The following SNX13 variants were observed in gnomAD, a reference collection of about 807,000 sequenced individuals.
SNX13 encodes the protein sorting nexin-13.
A neutral mutation model predicts 133.6 loss-of-function variants in SNX13; 45 were observed. That is an observed-to-expected ratio of 0.34 (90% CI 0.27 to 0.43). The LOEUF (loss-of-function observed/expected upper bound fraction) is 0.43, where lower values mean the gene tolerates loss of function less well. SNX13 is among the 20% of genes least tolerant of loss of function. The probability of loss-of-function intolerance (pLI) is 1.00; values close to 1 mark genes in which losing one functional copy is unlikely to be tolerated. For missense variants in SNX13, 1,032 were observed against 1,145.1 expected (o/e 0.90, Z 1.43); for synonymous variants, 414 against 373.9 (o/e 1.11, Z -1.24).
intron 9 of SNX13, among the ~76,000 whole-genome samples, chr7:17,857,900 CATG>C (rs1792123716): frequency 1.3e-5 from 2 of 152,148 alleles, no homozygotes; most frequent in South Asian, 2.1e-4. Flanking sequence ...AAGCATAATA[CATG>C]ATGTTAACAG....
chr7:17,894,059 T>C (rs1796939045), intron 2 of SNX13, among the ~76,000 whole-genome samples: 1 of 149,704 alleles, frequency 6.7e-6, no homozygotes. Context: ...TCCCAGCACC[T>C]TGGGAGGCCG....
chr7:17,882,937 C>A (rs1382978947), intron 5 of SNX13: 6 of 736,194 alleles, frequency 8.2e-6, no homozygotes, highest in Non-Finnish European at 9.6e-6. Flanking sequence ...GGCGACAGGG[C>A]GAGACTCTGT....
chr7:17,857,387 A>G (rs892956044), intron 9 of SNX13, among the ~76,000 whole-genome samples: 1 of 152,192 alleles, frequency 6.6e-6, no homozygotes. Flanking sequence ...CTCAATCTAC[A>G]AGCCCAGCAT....
At chr7:17,884,087 G>A (rs935121386) in intron 5 of SNX13, among the ~76,000 whole-genome samples, 1 of 152,022 alleles carries the variant, frequency 6.6e-6, no homozygotes, top group Non-Finnish European at 1.5e-5. Flanking sequence ...GCAACAGACA[G>A]TTTTATAGCC....
intron 24 of SNX13, among the ~76,000 whole-genome samples, chr7:17,798,044 T>C (rs1389576639): frequency 6.6e-6 from 1 of 151,912 alleles, no homozygotes; most frequent in Non-Finnish European, 1.5e-5. Flanking sequence ...TCTTGCTTCC[T>C]TTCCTTCCCT....
intron 1 of SNX13, among the ~76,000 whole-genome samples, chr7:17,933,021 AGTAGG>A (rs1801578175): frequency 6.6e-6 from 1 of 152,238 alleles, no homozygotes; most frequent in African/African-American, 2.4e-5. Context: ...CCTAGTACAA[AGTAGG>A]CATACTCTTG....
chr7:17,844,717 T>C (rs1450450346), intron 12 of SNX13, among the ~76,000 whole-genome samples: 2 of 151,602 alleles, frequency 1.3e-5, no homozygotes, highest in East Asian at 1.9e-4. Context: ...GTGGCATTTA[T>C]TCCTGGAATC....
intron 9 of SNX13, among the ~76,000 whole-genome samples, chr7:17,851,372 T>C (rs1352047536): frequency 6.6e-6 from 1 of 152,076 alleles, no homozygotes. Flanking sequence ...AGAGTAACAC[T>C]CTCTAACCTA....
At chr7:17,867,651 G>A (rs1449383952) in intron 9 of SNX13, among the ~76,000 whole-genome samples, 2 of 151,720 alleles carry the variant, frequency 1.3e-5, no homozygotes, top group Non-Finnish European at 2.9e-5. Context: ...TAAAACAATG[G>A]CAAGTCTGAC....
At chr7:17,920,327 T>C (rs1799994478) in intron 1 of SNX13, among the ~76,000 whole-genome samples, 1 of 152,210 alleles carries the variant, frequency 6.6e-6, no homozygotes, top group Non-Finnish European at 1.5e-5. Context: ...TTTACCATTT[T>C]ACTACTTACC....
chr7:17,923,716 G>A (rs1800403115), intron 1 of SNX13, among the ~76,000 whole-genome samples: 1 of 152,104 alleles, frequency 6.6e-6, no homozygotes, highest in Non-Finnish European at 1.5e-5. Context: ...CTACTTTTGG[G>A]AGTCCTCTTC....
chr7:17,839,184 T>C (rs768509661), intron 13 of SNX13, among the ~76,000 whole-genome samples: 3 of 149,298 alleles, frequency 2.0e-5, no homozygotes, highest in Non-Finnish European at 3.0e-5. Flanking sequence ...ACGCTATAGA[T>C]TATATATATT....
intron 9 of SNX13, among the ~76,000 whole-genome samples, chr7:17,862,023 C>T (rs566034031): frequency 1.5e-4 from 23 of 152,322 alleles, no homozygotes; most frequent in African/African-American, 4.8e-4. Context: ...CAGCTATTTG[C>T]TGCCCCCAAC....
chr7:17,902,460 TG>T (rs1472966761), intron 1 of SNX13, among the ~76,000 whole-genome samples: 1 of 152,180 alleles, frequency 6.6e-6, no homozygotes, highest in Non-Finnish European at 1.5e-5. Flanking sequence ...AATCAAGTTA[TG>T]TTATTCTAAG....
chr7:17,866,214 T>C (rs772186982), intron 9 of SNX13, among the ~76,000 whole-genome samples: 1 of 148,782 alleles, frequency 6.7e-6, no homozygotes, highest in East Asian at 2.0e-4. Flanking sequence ...ATCCACAGAA[T>C]AGGAGAAAAT....
intron 12 of SNX13, 142 bp downstream of exon 12, chr7:17,845,453 T>C (rs904019116): frequency 3.6e-6 from 2 of 561,784 alleles, no homozygotes. Context: ...GGAGACTCTG[T>C]ACAACATCAT....
chr7:17,816,002 G>A (rs1228945945), intron 19 of SNX13, among the ~76,000 whole-genome samples, 180 bp downstream of exon 19: 1 of 152,096 alleles, frequency 6.6e-6, no homozygotes, highest in Non-Finnish European at 1.5e-5. Flanking sequence ...AATACATACA[G>A]AAATAATGTT....
intron 7 of SNX13, among the ~76,000 whole-genome samples, chr7:17,874,131 A>G (rs905574967): frequency 3.9e-5 from 6 of 152,216 alleles, no homozygotes; most frequent in African/African-American, 1.4e-4. Context: ...GTTACATTCT[A>G]AGTTACTGTA....
chr7:17,897,376 A>G lies in SNX13; in HGVS notation c.83T>C (p.Val28Ala). ...VLFLITFGPF[V>A]IFYLTFYILC... ...GATATAAAATGTCAAATAAAATATT[A>G]CAAAGGGTCCAAAGGTTATCAGAAA... Residue 28 changes from valine (V) to alanine (A), a missense_variant, in exon 2 of 26, where the codon GTA (valine) becomes GCA (alanine). Transcript: ENST00000428135. The G allele has an allele frequency of 6.3e-7, 1 of 1,595,970 alleles. No individual in the cohort carries two copies. The highest frequency in any genetic ancestry group is 8.5e-7 in the Non-Finnish European group (1 of 1,170,500).
Sources: gnomAD v4.1 joint callset for allele counts (sites outside exome capture counted in the v4.1 genomes callset) on GRCh38, gnomAD v4.1.1 for gene constraint, MANE v1.5 for transcripts, NCBI Gene and HGNC (gene_info 2026-07-23, HGNC 2026-07-21) for gene names.